Variants in SEMA3A observed in about 807,000 individuals in gnomAD.
SEMA3A encodes the protein semaphorin-3A.
A neutral mutation model predicts 97.9 loss-of-function variants in SEMA3A; 29 were observed. That is an observed-to-expected ratio of 0.30 (90% CI 0.22 to 0.40). SEMA3A has a LOEUF of 0.40. SEMA3A is among the 10% of genes least tolerant of loss of function. SEMA3A has a pLI of 1.00. For synonymous variants in SEMA3A, 321 were observed against 323.7 expected (o/e 0.99, Z 0.09); for missense variants, 763 against 951.3 (o/e 0.80, Z 2.60).
rs1403480925 is a variant in SEMA3A at position 84,014,341 on chromosome 7, G to A, written c.678C>T (p.Phe226=). ...HDSRWLNDPK[F]ISAHLISESD... is the part of the protein sequence containing the mutation. ...TCTCTGAGATGAGGTGGGCACTAATGAACTTTGGATCTGAGAGACAAATAA... is the reference window on the plus strand; with the variant it reads ...TCTCTGAGATGAGGTGGGCACTAATAAACTTTGGATCTGAGAGACAAATAA... Residue 226 remains phenylalanine (F), a synonymous_variant, in exon 7 of 17, where the codon TTC becomes TTT. Transcript: ENST00000265362. The A allele has an allele frequency of 8.7e-6, 14 of 1,609,142 alleles. No homozygotes were observed. Among genetic ancestry groups the A allele is most frequent in the East Asian group, 2.2e-5 (1 of 44,772 alleles).
chr7:83,991,279 A>T (rs1789914539), intron 12 of SEMA3A, among the ~76,000 whole-genome samples: 1 of 151,994 alleles, frequency 6.6e-6, no homozygotes, highest in South Asian at 2.1e-4. Flanking sequence ...GGACAATTTG[A>T]CTTCCTCTTT....
chr7:84,019,951 CT>C (rs1178441016), intron 6 of SEMA3A, among the ~76,000 whole-genome samples: 1 of 148,520 alleles, frequency 6.7e-6, no homozygotes, highest in Non-Finnish European at 1.5e-5. Context: ...TTTAGGTGTC[CT>C]TTATTTTCTT....
chr7:84,319,504 A>G (rs183367578), intron 2 of SEMA3A, among the ~76,000 whole-genome samples: 324 of 152,258 alleles, frequency 2.1e-3, no homozygotes, highest in Non-Finnish European at 3.5e-3. Flanking sequence ...CCCAAGGCTT[A>G]TTAGCCAGGA....
intron 2 of SEMA3A, among the ~76,000 whole-genome samples, chr7:84,312,949 CACATAT>C (rs1801379630): frequency 1.6e-5 from 2 of 124,550 alleles, no homozygotes; most frequent in African/African-American, 6.6e-5. Context: ...CACACGTACA[CACATAT>C]ATGTTACATA....
At chr7:84,046,237 C>A in intron 6 of SEMA3A, 87 bp downstream of exon 6, 2 of 1,443,546 alleles carry the variant, frequency 1.4e-6, no homozygotes, top group South Asian at 2.7e-5. Context: ...AATTTCAAGT[C>A]ATATTGCATG....
intron 12 of SEMA3A, 56 bp downstream of exon 12, chr7:84,001,899 C>G: frequency 3.2e-6 from 4 of 1,230,820 alleles, no homozygotes; most frequent in Non-Finnish European, 4.8e-6. Flanking sequence ...TGCAGCTGTC[C>G]TGGGGGAAAG....
chr7:84,154,679 G>GAAAAAAAAAACAAAAAAAAAAAA (rs1796783327), intron 1 of SEMA3A, among the ~76,000 whole-genome samples: 2 of 112,218 alleles, frequency 1.8e-5, no homozygotes, highest in Non-Finnish European at 3.7e-5. Context: ...TAGTCTCAGG[G>GAAAAAAAAAACAAAAAAAAAAAA]AAAAAAAAAA....
intron 2 of SEMA3A, among the ~76,000 whole-genome samples, chr7:84,323,592 GA>G: frequency 6.6e-6 from 1 of 151,812 alleles, no homozygotes; most frequent in South Asian, 2.1e-4. Flanking sequence ...GGAAAACTCT[GA>G]AAAAATAGTA....
At chr7:84,290,373 G>T (rs1800710139) in intron 3 of SEMA3A, among the ~76,000 whole-genome samples, 1 of 151,636 alleles carries the variant, frequency 6.6e-6, no homozygotes, top group Non-Finnish European at 1.5e-5. Context: ...CTTGAAGAGG[G>T]TTATCTTTTA....
At chr7:84,459,799 G>T (rs1424782965) in intron 1 of SEMA3A, among the ~76,000 whole-genome samples, 4 of 152,144 alleles carry the variant, frequency 2.6e-5, no homozygotes, top group African/African-American at 7.2e-5. Context: ...AGGCCAAAGC[G>T]GGTGGGTGAC....
intron 2 of SEMA3A, among the ~76,000 whole-genome samples, chr7:84,342,147 T>C (rs1441134784): frequency 6.6e-6 from 1 of 152,152 alleles, no homozygotes; most frequent in African/African-American, 2.4e-5. Context: ...GTGATTCTCC[T>C]GCCTCAGCCT....
At chr7:84,489,192 G>A (rs988637290) in intron 1 of SEMA3A, 7 of 152,220 alleles carry the variant, frequency 4.6e-5, no homozygotes, top group Admixed American at 4.6e-4. Context: ...GCTGAGCAAA[G>A]AAGGAAACCT....
chr7:83,981,564 A>T lies in SEMA3A; in HGVS notation c.1495-86T>A, dbSNP rs912709128. 13 of 1,130,722 alleles carry T rather than the reference A, an allele frequency of 1.1e-5. No individual in the cohort carries two copies. The African/African-American group carries it at 1.9e-4, about 17-fold the overall frequency. 70.0% of individuals were successfully genotyped at this position (1,130,722 alleles called of 1,614,324 possible). A position where few individuals can be genotyped will look rare whatever the true frequency, so the allele number is the denominator to read the frequency against. ...TTAAAAAAGAGTTTATTTATATATAACTTCTCAGAGATAAATTAAGGGTTT... is the reference window on the plus strand; with the variant it reads ...TTAAAAAAGAGTTTATTTATATATATCTTCTCAGAGATAAATTAAGGGTTT... On this transcript the variant is annotated intron_variant, in intron 13 of 16. Coordinates refer to ENST00000265362, the MANE Select transcript of SEMA3A (RefSeq NM_006080.3).
intron 3 of SEMA3A, among the ~76,000 whole-genome samples, chr7:84,260,910 G>C (rs899479542): frequency 2.0e-5 from 3 of 152,194 alleles, no homozygotes; most frequent in Admixed American, 6.5e-5. Context: ...GGCCCAGACT[G>C]TCCATTCCAG....
intron 1 of SEMA3A, among the ~76,000 whole-genome samples, chr7:84,434,283 AAC>A (rs59954665): frequency 0.43 from 64,859 of 151,652 alleles, 14,944 homozygotes; most frequent in African/African-American, 0.59. Flanking sequence ...ACTTCCTGGA[AAC>A]ACACACGAAC....
rs61298477 is a variant in SEMA3A, at chr7:84,445,493, C to CAAAAAAAAAAAAAAAAAAAAA, written c.-246+46946_-246+46966dup. 5.8e-4 allele frequency among the ~76,000 whole-genome samples: 16 copies of CAAAAAAAAAAAAAAAAAAAAA among 27,582 alleles called. 1 individual carries two copies. Among genetic ancestry groups the CAAAAAAAAAAAAAAAAAAAAA allele is most frequent in the Admixed American group, 1.2e-3 (2 of 1,724 alleles). The allele number at this position is 27,582 out of a possible 152,430, so 18.1% of individuals were successfully genotyped here. ...TGGGCGACAGAGTGAGACTCCATCT[C>CAAAAAAAAAAAAAAAAAAAAA]AAAAAAAAAAAAAAAAAAAAAAAAA... On this transcript the variant is annotated intron_variant, in intron 1 of 3. Coordinates refer to the SEMA3A transcript ENST00000424555.
intron 2 of SEMA3A, among the ~76,000 whole-genome samples, chr7:84,358,140 A>T (rs1802616553): frequency 6.6e-6 from 1 of 152,130 alleles, no homozygotes; most frequent in Non-Finnish European, 1.5e-5. Flanking sequence ...CTTTAGTTTA[A>T]TTTGATCCCA....
In SEMA3A at chr7:84,325,874, G is replaced by A. The variant is rs565947851; in HGVS notation, c.-168-18582C>T. On this transcript the variant is annotated intron_variant, in intron 2 of 3. Coordinates refer to the SEMA3A transcript ENST00000424555. ...TCACCAGAACTTGTTCATCTTGTAA[G>A]AGAACATTTGTATCCTCTGGCCAAC... Among the ~76,000 whole-genome samples, 9 of 152,128 alleles carry A rather than the reference G, an allele frequency of 5.9e-5. No individual in the cohort carries two copies. The South Asian group carries it at 1.9e-3, about 32-fold the overall frequency.
intron 1 of SEMA3A, among the ~76,000 whole-genome samples, chr7:84,153,792 G>T (rs1001937468): frequency 6.6e-6 from 1 of 151,924 alleles, no homozygotes; most frequent in Non-Finnish European, 1.5e-5. Context: ...CAAGAAAAGC[G>T]TGTTGATATA....
Sources: gnomAD v4.1 joint callset for allele counts (sites outside exome capture counted in the v4.1 genomes callset) on GRCh38, gnomAD v4.1.1 for gene constraint, MANE v1.5 for transcripts, NCBI Gene and HGNC (gene_info 2026-07-23, HGNC 2026-07-21) for gene names.